The following CSNK1D variants were observed in gnomAD, a reference collection of about 807,000 sequenced individuals.
The protein encoded by CSNK1D is casein kinase 1 delta, also known as casein kinase I isoform delta.
Under a neutral mutation model 46.6 loss-of-function variants are expected in CSNK1D, and 16 were observed. That is an observed-to-expected ratio of 0.34 (90% CI 0.23 to 0.52). The LOEUF is 0.52. CSNK1D is among the 20% of genes least tolerant of loss of function. The probability of loss-of-function intolerance (pLI) is 0.95; values close to 1 mark genes in which losing one functional copy is unlikely to be tolerated. For missense variants in CSNK1D, 398 were observed against 578.4 expected, an observed-to-expected ratio of 0.69 and a Z score of 3.20; for synonymous variants, 276 against 228.2, an observed-to-expected ratio of 1.21 and a Z score of -1.89.
chr17:82,242,842 A>C lies in CSNK1D; in HGVS notation c.*1939T>G, dbSNP rs949661213. The C allele has an allele frequency of 4.1e-6, 4 of 985,064 alleles. No homozygotes were observed. The highest frequency in any genetic ancestry group is 4.8e-6 in the Non-Finnish European group (4 of 829,686). 61.0% of individuals were successfully genotyped at this position (985,064 alleles called of 1,614,324 possible). On this transcript the variant is annotated 3_prime_UTR_variant, in exon 9 of 9. Transcript: ENST00000314028. ...TAGATACTGGGCAAGGACTGTCACA[A>C]GCACTCCGAAGACGCGACCCGGCGA...
At chr17:82,269,647 A>G (rs2051568554) in intron 1 of CSNK1D, among the ~76,000 whole-genome samples, 1 of 152,250 alleles carries the variant, frequency 6.6e-6, no homozygotes, top group South Asian at 2.1e-4. Flanking sequence ...TACAGATGCC[A>G]ACAGATTCAT....
rs1049511040 is a variant in CSNK1D, at chr17:82,248,504, G to A, written c.1197+371C>T. On this transcript the variant is annotated intron_variant, in intron 8 of 8. Coordinates refer to ENST00000314028, the MANE Select transcript of CSNK1D (RefSeq NM_001893.6). This position sits in a 1 kb window ranked among gnomAD's most constrained non-coding sequence, Gnocchi z 4.1. Reference sequence around the variant, plus strand: ...GCAAGAATGAGGAAGAATGAGGAAGGCTCCCTCGGGCTGGGGGCACCCACA... The same window carrying A: ...GCAAGAATGAGGAAGAATGAGGAAGACTCCCTCGGGCTGGGGGCACCCACA... 48 of 1,105,722 alleles carry A rather than the reference G, an allele frequency of 4.3e-5. No individual in the cohort carries two copies. The highest frequency in any genetic ancestry group is 5.0e-5 in the Non-Finnish European group (45 of 900,426). The allele number at this position is 1,105,722 out of a possible 1,614,324, so 68.5% of individuals were successfully genotyped here.
At position 82,250,169 on chromosome 17, in the gene CSNK1D, G is replaced by T. The variant is rs543509982; in HGVS notation, c.886-567C>A. On this transcript the variant is annotated intron_variant, in intron 6 of 8. Coordinates refer to ENST00000314028, the MANE Select transcript of CSNK1D (RefSeq NM_001893.6). The surrounding 1 kb of genome is among the most constrained non-coding windows in gnomAD (Gnocchi z 4.6). ...GGGTGGGGAGGTCAGATTTTAAGCC[G>T]AGACAGCAACCTATGAAAAAGCAGA... 1.6e-6 allele frequency: 2 copies of T among 1,289,866 alleles called. No homozygotes were observed. The highest frequency in any genetic ancestry group is 2.0e-6 in the Non-Finnish European group (2 of 989,002). The allele number at this position is 1,289,866 out of a possible 1,614,324, so 79.9% of individuals were successfully genotyped here.
In CSNK1D at chr17:82,242,810, C is replaced by T. The variant is rs566006692; in HGVS notation, c.*1971G>A. ...TACCTACGTCTCCTGCACGGGGCGA[C>T]GGGGACTAGATACTGGGCAAGGACT... On this transcript the variant is annotated 3_prime_UTR_variant, in exon 9 of 9. Coordinates refer to ENST00000314028, the MANE Select transcript of CSNK1D (RefSeq NM_001893.6). The T allele has an allele frequency of 1.4e-4, 140 of 985,456 alleles. 1 individual carries two copies. In the South Asian group the frequency reaches 3.6e-3, roughly 25 times the overall value. 61.0% of individuals were successfully genotyped at this position (985,456 alleles called of 1,614,324 possible).
At chr17:82,262,065 A>C (rs2051354722) in intron 2 of CSNK1D, among the ~76,000 whole-genome samples, 1 of 152,224 alleles carries the variant, frequency 6.6e-6, no homozygotes, top group Admixed American at 6.5e-5. Context: ...TTTGCCCACC[A>C]GTCCAGTAGG....
intron 2 of CSNK1D, among the ~76,000 whole-genome samples, chr17:82,256,269 G>A (rs1428009500): frequency 6.6e-6 from 1 of 152,208 alleles, no homozygotes; most frequent in Admixed American, 6.5e-5. Flanking sequence ...CTAGCACTTT[G>A]GGAGGCTGAA....
chr17:82,243,598 A>C lies in CSNK1D; in HGVS notation c.*1183T>G. The C allele has an allele frequency of 1.0e-6, 1 of 985,442 alleles. No individual in the cohort carries two copies. Among genetic ancestry groups the C allele is most frequent in the Middle Eastern group, 5.2e-4 (1 of 1,914 alleles). The allele number at this position is 985,442 out of a possible 1,614,324, so 61.0% of individuals were successfully genotyped here. On this transcript the variant is annotated 3_prime_UTR_variant, in exon 9 of 9. Coordinates refer to ENST00000314028, the MANE Select transcript of CSNK1D (RefSeq NM_001893.6). ...GCGCAGACTCTACTTTCTGGCCGTG[A>C]AGGTTCTGGGTCCGGTTGGGAGAGT...
At chr17:82,239,244 G>A (rs1057478626), downstream of CSNK1D, 5 of 195,668 alleles carry the variant, frequency 2.6e-5, no homozygotes, top group Admixed American at 6.3e-5. Flanking sequence ...GGTGGCCTGC[G>A]GCCACTGCTA....
At chr17:82,247,077 G>A in intron 8 of CSNK1D, 1 of 985,508 alleles carries the variant, frequency 1.0e-6, no homozygotes, top group Middle Eastern at 5.2e-4. Flanking sequence ...CCCTCAACAT[G>A]CCTCTCAGGA....
chr17:82,262,951 G>T (rs58287821), intron 2 of CSNK1D, among the ~76,000 whole-genome samples: 1,861 of 152,328 alleles, frequency 0.012, 41 homozygotes, highest in African/African-American at 0.041. Context: ...AGGCCAAGGT[G>T]GGCAGATCGC....
At chr17:82,271,733 C>T (rs1599626862) in intron 1 of CSNK1D, among the ~76,000 whole-genome samples, 2 of 152,196 alleles carry the variant, frequency 1.3e-5, no homozygotes, top group Non-Finnish European at 2.9e-5. Context: ...CGCTGTCAGC[C>T]CACCGGGTCC....
chr17:82,239,126 G>GTTC (rs1420530839), downstream of CSNK1D: 96 of 733,762 alleles, frequency 1.3e-4, 1 homozygote, highest in East Asian at 2.5e-3. Flanking sequence ...GTGTTTTGAG[G>GTTC]GGGAAGGTGG....
intron 1 of CSNK1D, among the ~76,000 whole-genome samples, chr17:82,268,108 G>A (rs374925288): frequency 3.9e-5 from 6 of 152,338 alleles, no homozygotes; most frequent in Admixed American, 1.3e-4. Context: ...AGGTCGCCCC[G>A]AGTCTCTACA....
chr17:82,248,392 G>C lies in CSNK1D; in HGVS notation c.1197+483C>G. 1.0e-6 allele frequency: 1 copy of C among 1,002,780 alleles called. No homozygotes were observed. The highest frequency in any genetic ancestry group is 1.7e-5 in the African/African-American group (1 of 57,642). The allele number at this position is 1,002,780 out of a possible 1,614,324, so 62.1% of individuals were successfully genotyped here. A position where few individuals can be genotyped will look rare whatever the true frequency, so the allele number is the denominator to read the frequency against. On this transcript the variant is annotated intron_variant, in intron 8 of 8. Transcript: ENST00000314028. This position sits in a 1 kb window ranked among gnomAD's most constrained non-coding sequence, Gnocchi z 4.1. The stretch of plus-strand genomic sequence containing the variant: ...AAGACAGGTGAGGCCGTCAAAAGAA[G>C]GAAAGCCTCGTTGCAGGGCATGCCA...
At chr17:82,265,630 T>C (rs2051449093) in intron 2 of CSNK1D, 56 bp downstream of exon 2, 1 of 1,350,554 alleles carries the variant, frequency 7.4e-7, no homozygotes, top group Non-Finnish European at 1.1e-6. Flanking sequence ...GCTGAGTTGC[T>C]GTTCTCCCTT....
intron 8 of CSNK1D, chr17:82,247,601 G>A: frequency 2.0e-6 from 2 of 985,454 alleles, no homozygotes; most frequent in African/African-American, 3.5e-5. Context: ...AAGACACGAG[G>A]GCACGGGCAG....
At chr17:82,271,505 C>A (rs2051623102) in intron 1 of CSNK1D, among the ~76,000 whole-genome samples, 2 of 152,228 alleles carry the variant, frequency 1.3e-5, no homozygotes, top group African/African-American at 4.8e-5. Context: ...ATTGACCAAG[C>A]ACTCTGACTT....
At chr17:82,242,307 C>T (rs1374049591), downstream of CSNK1D, among the ~76,000 whole-genome samples, 1 of 152,174 alleles carries the variant, frequency 6.6e-6, no homozygotes, top group Non-Finnish European at 1.5e-5. Flanking sequence ...AGGGGGATCC[C>T]TGAGCACCAC....
In CSNK1D at chr17:82,256,166, G is replaced by A. The variant is rs574054076; in HGVS notation, c.188-589C>T. 4.7e-3 allele frequency among the ~76,000 whole-genome samples: 711 copies of A among 152,308 alleles called. 2 individuals carry two copies. The highest frequency in any genetic ancestry group is 0.016 in the African/African-American group (681 of 41,554). The stretch of plus-strand genomic sequence containing the variant: ...AAAGACACAATAAATCCAACAGGAA[G>A]AATTTAAAGATGGCTGCATAGTATC... On this transcript the variant is annotated intron_variant, in intron 2 of 8. Coordinates refer to ENST00000314028, the MANE Select transcript of CSNK1D (RefSeq NM_001893.6).
Sources: allele counts gnomAD v4.1 joint callset (sites outside exome capture counted in the v4.1 genomes callset), GRCh38; gene constraint gnomAD v4.1.1; non-coding constraint Gnocchi (gnomAD v3.1); transcripts MANE v1.5; gene names NCBI Gene and HGNC (gene_info 2026-07-23, HGNC 2026-07-21).